PPP1R9A: variants seen among roughly 807,000 people sequenced by gnomAD.
The protein encoded by PPP1R9A is neurabin-1.
A neutral mutation model predicts 141.9 loss-of-function variants in PPP1R9A; 59 were observed. The ratio of observed to expected loss-of-function variants is 0.42; its 90% CI spans 0.34 to 0.52. PPP1R9A has a LOEUF of 0.52. Ranked by LOEUF, PPP1R9A falls within the 20% of genes least tolerant of loss-of-function variation. The probability of loss-of-function intolerance (pLI) is 0.10; values close to 1 mark genes in which losing one functional copy is unlikely to be tolerated. For synonymous variants in PPP1R9A, 500 were observed against 569.7 expected (o/e 0.88, Z 1.74); for missense variants, 1,444 against 1,611.9 (o/e 0.90, Z 1.78).
chr7:95,015,035 T>C (rs1414366043), intron 2 of PPP1R9A, among the ~76,000 whole-genome samples: 3 of 152,078 alleles, frequency 2.0e-5, no homozygotes, highest in Non-Finnish European at 4.4e-5. Context: ...TCTAGACTCA[T>C]TGTATACGGA....
chr7:95,286,905 T>A (rs1024989527), intron 18 of PPP1R9A, among the ~76,000 whole-genome samples: 1 of 152,192 alleles, frequency 6.6e-6, no homozygotes, highest in African/African-American at 2.4e-5. Context: ...AATAAAGATA[T>A]TTTTGCTCTA....
At chr7:95,189,980 G>C (rs1191617930) in intron 5 of PPP1R9A, among the ~76,000 whole-genome samples, 2 of 151,982 alleles carry the variant, frequency 1.3e-5, no homozygotes, top group African/African-American at 4.8e-5. Context: ...TCTTTAAGCT[G>C]GTTTTCATCT....
At chr7:95,148,390 C>T (rs1828027524) in intron 4 of PPP1R9A, among the ~76,000 whole-genome samples, 1 of 152,048 alleles carries the variant, frequency 6.6e-6, no homozygotes, top group Non-Finnish European at 1.5e-5. Context: ...ATGGCATGGG[C>T]ACTAAAAGGA....
chr7:95,071,174 A>T (rs1813766221), intron 2 of PPP1R9A, among the ~76,000 whole-genome samples: 1 of 152,018 alleles, frequency 6.6e-6, no homozygotes, highest in African/African-American at 2.4e-5. Flanking sequence ...ATTAGCAGGC[A>T]ATATCTCATT....
rs74606333 is a variant in PPP1R9A at position 94,988,560 on chromosome 7, A to T, written c.1395+77052A>T. On this transcript the variant is annotated intron_variant, in intron 2 of 19. Transcript: ENST00000433360. ...AGGCTAAATAATTCCTAGTGAGTAT[A>T]GAAACAGAATTTGAGTGTCTGAATT... Among the ~76,000 whole-genome samples the T allele has an allele frequency of 6.0e-3, 915 of 152,226 alleles. 4 individuals are homozygous for T. The highest frequency in any genetic ancestry group is 9.8e-3 in the Non-Finnish European group (668 of 67,946).
chr7:95,126,559 T>A (rs1441117041), intron 4 of PPP1R9A, among the ~76,000 whole-genome samples: 1 of 152,150 alleles, frequency 6.6e-6, no homozygotes, highest in African/African-American at 2.4e-5. Context: ...CGACAGTATT[T>A]CCAGGGGAAA....
At chr7:95,081,130 T>G (rs1225765459) in intron 2 of PPP1R9A, among the ~76,000 whole-genome samples, 1 of 152,152 alleles carries the variant, frequency 6.6e-6, no homozygotes, top group Non-Finnish European at 1.5e-5. Flanking sequence ...GATCAAACTT[T>G]CTGCATAATT....
intron 2 of PPP1R9A, among the ~76,000 whole-genome samples, chr7:95,012,198 A>C (rs893937548): frequency 3.9e-5 from 6 of 152,138 alleles, no homozygotes; most frequent in African/African-American, 1.4e-4. Flanking sequence ...CAGGCCGTAC[A>C]GGAAGCATAG....
chr7:95,183,366 C>T (rs1356703043), intron 5 of PPP1R9A, among the ~76,000 whole-genome samples: 1 of 150,956 alleles, frequency 6.6e-6, no homozygotes, highest in Non-Finnish European at 1.5e-5. Flanking sequence ...TCTCAAACTC[C>T]TGGCCTCAGG....
intron 5 of PPP1R9A, among the ~76,000 whole-genome samples, chr7:95,173,466 T>A (rs1015708622): frequency 6.6e-6 from 1 of 151,920 alleles, no homozygotes; most frequent in South Asian, 2.1e-4. Context: ...AATTTAAAAA[T>A]TTTTTTAGGG....
chr7:95,018,306 CA>C, intron 2 of PPP1R9A: 1 of 230,430 alleles, frequency 4.3e-6, no homozygotes, highest in Non-Finnish European at 9.9e-6. Flanking sequence ...TTCTTGCCAA[CA>C]ATCATTAAAT....
chr7:95,210,211 T>C (rs2152907007), intron 7 of PPP1R9A, among the ~76,000 whole-genome samples: 1 of 152,286 alleles, frequency 6.6e-6, no homozygotes, highest in South Asian at 2.1e-4. Context: ...ATGGTGAATA[T>C]ATTTTATGCT....
chr7:95,275,847 TC>T (rs997453987), intron 16 of PPP1R9A, among the ~76,000 whole-genome samples: 2 of 152,138 alleles, frequency 1.3e-5, no homozygotes, highest in Admixed American at 6.5e-5. Context: ...GAGAGAGAAT[TC>T]CCAAATTAAT....
In PPP1R9A at chr7:95,091,337, C is replaced by CTTTTTTT. The variant is rs555627706; in HGVS notation, c.1396-19904_1396-19898dup. Among the ~76,000 whole-genome samples, 22 of 75,970 alleles carry CTTTTTTT rather than the reference C, an allele frequency of 2.9e-4. 1 individual carries two copies. The highest frequency in any genetic ancestry group is 3.8e-4 in the African/African-American group (7 of 18,600). 49.8% of individuals were successfully genotyped at this position (75,970 alleles called of 152,430 possible). A position where few individuals can be genotyped will look rare whatever the true frequency, so the allele number is the denominator to read the frequency against. Reference sequence around the variant, plus strand: ...TCTGTCTCTTTGCCTTGTTTTAACTCTTTTTTTTTTTTTTTTTTTTTTTTG... The same window carrying CTTTTTTT: ...TCTGTCTCTTTGCCTTGTTTTAACTCTTTTTTTTTTTTTTTTTTTTTTTTTTTTTTTG... On this transcript the variant is annotated intron_variant, in intron 2 of 19. Coordinates refer to ENST00000433360, the MANE Select transcript of PPP1R9A (RefSeq NM_001166160.2).
At chr7:95,262,197 A>G (rs990986097) in intron 12 of PPP1R9A, among the ~76,000 whole-genome samples, 1 of 152,204 alleles carries the variant, frequency 6.6e-6, no homozygotes, top group Admixed American at 6.5e-5. Flanking sequence ...TACAATATCA[A>G]TGTCAAGAAA....
At chr7:95,092,223 G>T (rs117347452) in intron 2 of PPP1R9A, among the ~76,000 whole-genome samples, 1 of 152,116 alleles carries the variant, frequency 6.6e-6, no homozygotes, top group Non-Finnish European at 1.5e-5. Context: ...TTCTTATGAT[G>T]ACAGCTGATG....
At chr7:95,206,220 A>G (rs1225645277) in intron 7 of PPP1R9A, among the ~76,000 whole-genome samples, 1 of 152,218 alleles carries the variant, frequency 6.6e-6, no homozygotes, top group Non-Finnish European at 1.5e-5. Context: ...TCCATTTGCA[A>G]TAAAAACTGA....
In PPP1R9A at chr7:95,197,630, C is replaced by T. The variant is rs551411612; in HGVS notation, c.1755-719C>T. Among the ~76,000 whole-genome samples the T allele has an allele frequency of 1.6e-4, 25 of 152,058 alleles. No homozygotes were observed. The South Asian group carries it at 4.8e-3, about 29-fold the overall frequency. ...TATATATTTAGCCACCTGAGTTATG[C>T]TATGCGTCAAAATGTTTGTTGTTGT... On this transcript the variant is annotated intron_variant, in intron 5 of 19. Transcript: ENST00000433360.
chr7:94,981,019 G>A lies in PPP1R9A; in HGVS notation c.1395+69511G>A, dbSNP rs112496928. On this transcript the variant is annotated intron_variant, in intron 2 of 19. Transcript: ENST00000433360. Reference sequence around the variant, plus strand: ...GTGTAGTGGAAGAGATAATAAGCAAGTGAATAAATATTTGTAAATTGCTGT... The same window carrying A: ...GTGTAGTGGAAGAGATAATAAGCAAATGAATAAATATTTGTAAATTGCTGT... Among the ~76,000 whole-genome samples the A allele has an allele frequency of 6.7e-3, 1,026 of 152,278 alleles. 5 individuals carry two copies. The highest frequency in any genetic ancestry group is 0.011 in the Non-Finnish European group (728 of 68,002).
Sources: allele counts gnomAD v4.1 joint callset (sites outside exome capture counted in the v4.1 genomes callset), GRCh38; gene constraint gnomAD v4.1.1; transcripts MANE v1.5; gene names NCBI Gene and HGNC (gene_info 2026-07-23, HGNC 2026-07-21).